PSG2: variants seen among roughly 807,000 people sequenced by gnomAD.
PSG2 encodes the protein pregnancy-specific beta-1-glycoprotein 2.
Under a neutral mutation model 36.2 loss-of-function variants are expected in PSG2, and 49 were observed. That is an observed-to-expected ratio of 1.35 (90% CI 1.08 to 1.72). PSG2 has a LOEUF of 1.72. Ranked by LOEUF, PSG2 falls within the 40% of genes most tolerant of loss-of-function variation. The pLI, the probability that PSG2 is intolerant of heterozygous loss-of-function variation, is 0.00. For synonymous variants in PSG2, 261 were observed against 155.6 expected (o/e 1.68, Z -5.04); for missense variants, 605 against 407.2 (o/e 1.49, Z -4.18).
intron 2 of PSG2, among the ~76,000 whole-genome samples, chr19:43,075,869 A>G (rs1967888678): frequency 6.6e-6 from 1 of 151,680 alleles, no homozygotes; most frequent in South Asian, 2.1e-4. Context: ...GAGCAGCAGC[A>G]TTGGGTCATG....
At position 43,066,575 on chromosome 19, in the gene PSG2, A is replaced by G. The variant is rs1327197307; in HGVS notation, c.990T>C (p.Pro330=). 4 of 1,602,168 alleles carry G rather than the reference A, an allele frequency of 2.5e-6. No homozygotes were observed. Among genetic ancestry groups the G allele is most frequent in the Non-Finnish European group, 3.4e-6 (4 of 1,169,948 alleles). Residue 330 remains proline (P), a synonymous_variant, in exon 5 of 6, where the codon CCT becomes CCC. Coordinates refer to ENST00000406487, the MANE Select transcript of PSG2 (RefSeq NM_031246.4). Reference sequence around the variant, plus strand: ...ACAGCTGCTATGTTGGATTAAGGAGAGGAAGAAGTCCTATTCTTGTAGAAG... The same window carrying G: ...ACAGCTGCTATGTTGGATTAAGGAGGGGAAGAAGTCCTATTCTTGTAGAAG... The part of the protein sequence containing the change: ...VSASTRIGLL[P]LLNPT
chr19:43,079,604 C>G (rs1396776694), intron 2 of PSG2, among the ~76,000 whole-genome samples: 1 of 151,654 alleles, frequency 6.6e-6, no homozygotes, highest in Non-Finnish European at 1.5e-5. Context: ...CCTCTCATGA[C>G]AGTGACATGG....
At chr19:43,071,421 G>T (rs1053912311) in intron 4 of PSG2, among the ~76,000 whole-genome samples, 2 of 151,648 alleles carry the variant, frequency 1.3e-5, no homozygotes, top group African/African-American at 4.9e-5. Context: ...ACTCCTTCTT[G>T]TCCCTCTGTG....
Position 43,075,485 on chromosome 19 carries a change from A to T in PSG2, c.578T>A (p.Phe193Tyr). ...GGTCCTGTTGGTTTCGGACAGCTGA[A>T]ACCTATGAGTCATAGGGAGGCTCTG... ...NGQSLPMTHRFQLSETNRTLF... is the reference protein window; with the variant it reads ...NGQSLPMTHRYQLSETNRTLF... The change falls in exon 3 of 6, where the codon TTT (phenylalanine) becomes TAT (tyrosine). Residue 193 changes from phenylalanine (F) to tyrosine (Y), a missense_variant. Coordinates refer to ENST00000406487, the MANE Select transcript of PSG2 (RefSeq NM_031246.4). The T allele has an allele frequency of 6.2e-7, 1 of 1,613,192 alleles. No homozygotes were observed. The highest frequency in any genetic ancestry group is 8.5e-7 in the Non-Finnish European group (1 of 1,179,684).
At chr19:43,073,358 G>C (rs1369928621) in intron 3 of PSG2, among the ~76,000 whole-genome samples, 1 of 151,752 alleles carries the variant, frequency 6.6e-6, no homozygotes, top group Non-Finnish European at 1.5e-5. Context: ...CATGTTCCCT[G>C]TCTTGGGTTC....
In PSG2 at chr19:43,079,328, A is replaced by G. The variant is rs371256429; in HGVS notation, c.430+1553T>C. Among the ~76,000 whole-genome samples, 201 of 151,496 alleles carry G rather than the reference A, an allele frequency of 1.3e-3. 10 individuals carry two copies. In the South Asian group the frequency reaches 0.037, roughly 28 times the overall value. ...CTGGTGGCCAAAGAGCTTCAGAGTT[A>G]CATGAGGTGGGGTTGCTTTAGGGGC... On this transcript the variant is annotated intron_variant, in intron 2 of 5. Transcript: ENST00000406487.
intron 5 of PSG2, among the ~76,000 whole-genome samples, chr19:43,066,160 C>T (rs1967736703): frequency 6.6e-6 from 1 of 151,624 alleles, no homozygotes; most frequent in Admixed American, 6.6e-5. Flanking sequence ...AGTCTGGAGA[C>T]AAGAAGTCAA....
intron 3 of PSG2, 141 bp downstream of exon 3, chr19:43,075,213 G>A: frequency 2.6e-6 from 4 of 1,561,546 alleles, no homozygotes; most frequent in East Asian, 2.2e-5. Flanking sequence ...TGGTTTGCCT[G>A]GGGCAGAAAG....
At chr19:43,067,299 T>G (rs1967753462) in intron 4 of PSG2, among the ~76,000 whole-genome samples, 1 of 151,452 alleles carries the variant, frequency 6.6e-6, no homozygotes. Context: ...CCCTGATAAA[T>G]TATCTTGTAT....
rs1967851494 is a variant in PSG2, at chr19:43,073,706, G to A, written c.709+1648C>T. ...GGAGAATCAGAAGTTGTTCATGGGT[G>A]TGCAGTTTCAGTTATGCAAGGTAGG... On this transcript the variant is annotated intron_variant, in intron 3 of 5. Transcript: ENST00000406487. 2.0e-5 allele frequency among the ~76,000 whole-genome samples: 3 copies of A among 151,674 alleles called. No individual in the cohort carries two copies. The South Asian group carries it at 6.2e-4, about 32-fold the overall frequency.
intron 4 of PSG2, among the ~76,000 whole-genome samples, chr19:43,069,155 A>C (rs1455381331): frequency 6.6e-6 from 1 of 151,858 alleles, no homozygotes; most frequent in African/African-American, 2.4e-5. Flanking sequence ...AGTTTAACCA[A>C]AGAGGTGAAA....
chr19:43,066,811 A>G (rs1967746152), intron 4 of PSG2, among the ~76,000 whole-genome samples: 2 of 151,424 alleles, frequency 1.3e-5, no homozygotes, highest in African/African-American at 2.4e-5. Flanking sequence ...TCCTCTGTCA[A>G]TTCTCTACTG....
intron 4 of PSG2, among the ~76,000 whole-genome samples, chr19:43,069,445 T>C (rs961582240): frequency 5.9e-5 from 9 of 151,864 alleles, no homozygotes; most frequent in East Asian, 1.9e-4. Flanking sequence ...ACTCACACTT[T>C]CTGATTTCAG....
rs1330237122 is a variant in PSG2, at chr19:43,071,866, G to C, written c.798C>G (p.Asn266Lys). 2 of 1,613,132 alleles carry C rather than the reference G, an allele frequency of 1.2e-6. No homozygotes were observed. Among genetic ancestry groups the C allele is most frequent in the Admixed American group, 1.7e-5 (1 of 59,972 alleles). Residue 266 changes from asparagine to lysine, a missense_variant, in exon 4 of 6, where the codon AAC becomes AAG. By Grantham distance (94) the Asn-to-Lys change is moderately conservative (BLOSUM62 0). Coordinates refer to ENST00000406487, the MANE Select transcript of PSG2 (RefSeq NM_031246.4). Reference protein sequence around the residue: ...NLYLSCFANSNPPAQYSWTIN... With the variant: ...NLYLSCFANSKPPAQYSWTIN... ...TTGTCCAAGAATACTGTGCCGGTGG[G>C]TTAGAGTTCGCGAAGCAAGACAAGT... is the stretch of plus-strand genomic sequence containing the variant.
At chr19:43,072,095 G>C in intron 3 of PSG2, 141 bp from the exon 4 acceptor site, 3 of 1,390,600 alleles carry the variant, frequency 2.2e-6, no homozygotes, top group Non-Finnish European at 2.9e-6. Flanking sequence ...TCACTGAGCC[G>C]AACCCTGAAG....
chr19:43,070,277 A>G (rs1265469004), intron 4 of PSG2, among the ~76,000 whole-genome samples: 1 of 151,778 alleles, frequency 6.6e-6, no homozygotes, highest in Admixed American at 6.6e-5. Flanking sequence ...TAGCCACTGT[A>G]AAAATTGGTG....
rs770176413 is a variant in PSG2, at chr19:43,080,926, C to A, written c.385G>T (p.Asp129Tyr). 1.2e-6 allele frequency: 2 copies of A among 1,612,696 alleles called. No individual in the cohort carries two copies. Among genetic ancestry groups the A allele is most frequent in the African/African-American group, 2.7e-5 (2 of 74,306 alleles). Residue 129 changes from aspartate to tyrosine, a missense_variant, in exon 2 of 6, where the codon GAT becomes TAT. Coordinates refer to ENST00000406487, the MANE Select transcript of PSG2 (RefSeq NM_031246.4). ...SYTLHIIKRG[D>Y]GTRGVTGYFT... ...TATCCAGTTACTCCTCTAGTCCCAT[C>A]ACCTCGCTTTATGATGTGTAAGGTG...
chr19:43,069,539 A>G (rs1967787532), intron 4 of PSG2, among the ~76,000 whole-genome samples: 1 of 151,766 alleles, frequency 6.6e-6, no homozygotes, highest in Non-Finnish European at 1.5e-5. Context: ...ATAATAGCCC[A>G]GAAAGAAATT....
At chr19:43,072,612 A>C in intron 3 of PSG2, 3 of 1,611,594 alleles carry the variant, frequency 1.9e-6, no homozygotes, top group Non-Finnish European at 2.5e-6. Context: ...ATGGTGATTT[A>C]GGGCTTGGGC....
Sources: gnomAD v4.1 joint callset for allele counts (sites outside exome capture counted in the v4.1 genomes callset) on GRCh38, gnomAD v4.1.1 for gene constraint, MANE v1.5 for transcripts, NCBI Gene and HGNC (gene_info 2026-07-23, HGNC 2026-07-21) for gene names.